Variants in BMPR1B observed in about 807,000 individuals in gnomAD.
BMPR1B encodes the protein bone morphogenetic protein receptor type-1B.
Under a neutral mutation model 59.1 loss-of-function variants are expected in BMPR1B, and 12 were observed. The ratio of observed to expected loss-of-function variants is 0.20; its 90% CI spans 0.13 to 0.33. BMPR1B has a LOEUF of 0.33. Ranked by LOEUF, BMPR1B falls within the 10% of genes least tolerant of loss-of-function variation. BMPR1B has a pLI of 1.00. For missense variants in BMPR1B, 550 were observed against 610.9 expected, an observed-to-expected ratio of 0.90 and a Z score of 1.05; for synonymous variants, 237 against 207.3, an observed-to-expected ratio of 1.14 and a Z score of -1.23.
At chr4:95,135,686 T>A (rs1349565686) in intron 10 of BMPR1B, among the ~76,000 whole-genome samples, 3 of 152,240 alleles carry the variant, frequency 2.0e-5, no homozygotes, top group Non-Finnish European at 2.9e-5. Context: ...TGTATAAGAA[T>A]GCTTGTGATT....
At chr4:95,093,995 C>G (rs1459640925) in intron 3 of BMPR1B, among the ~76,000 whole-genome samples, 1 of 152,020 alleles carries the variant, frequency 6.6e-6, no homozygotes, top group African/African-American at 2.4e-5. Context: ...CTTATGCACT[C>G]CTGTCTAGGA....
intron 3 of BMPR1B, among the ~76,000 whole-genome samples, chr4:95,076,992 T>G (rs558648263): frequency 6.6e-6 from 1 of 152,244 alleles, no homozygotes; most frequent in African/African-American, 2.4e-5. Flanking sequence ...CTTTATTCGC[T>G]TTACAAGCAT....
chr4:95,062,685 T>G (rs1727489825), intron 3 of BMPR1B, among the ~76,000 whole-genome samples: 1 of 152,176 alleles, frequency 6.6e-6, no homozygotes, highest in Admixed American at 6.5e-5. Context: ...ATGCTAAAAT[T>G]GCATGGTTAA....
intron 3 of BMPR1B, among the ~76,000 whole-genome samples, chr4:95,092,294 T>G (rs968325154): frequency 2.0e-5 from 3 of 152,120 alleles, no homozygotes; most frequent in African/African-American, 7.2e-5. Context: ...TAGTAATTCA[T>G]ATCATTTTTG....
chr4:94,997,260 C>T (rs887180600), intron 3 of BMPR1B, among the ~76,000 whole-genome samples: 3 of 152,032 alleles, frequency 2.0e-5, no homozygotes, highest in African/African-American at 7.2e-5. Context: ...AAGTTAAAAA[C>T]AAAAATGAGA....
At chr4:95,038,564 A>G (rs572158896) in intron 3 of BMPR1B, among the ~76,000 whole-genome samples, 1 of 152,350 alleles carries the variant, frequency 6.6e-6, no homozygotes, top group African/African-American at 2.4e-5. Context: ...AGGAAAAATT[A>G]TGATGAATAA....
In BMPR1B at chr4:94,770,802, TA is replaced by T. The variant is rs373543088; in HGVS notation, c.-183+12742del. On this transcript the variant is annotated intron_variant, in intron 1 of 12. Transcript: ENST00000515059. ...GTGGTAGTACCTTGTCAAGGGCTTT[TA>T]AAAAAAATCCAGTGGATTATATTGA... 3.5e-3 allele frequency among the ~76,000 whole-genome samples: 514 copies of T among 147,810 alleles called. 6 individuals carry two copies. The highest frequency in any genetic ancestry group is 0.011 in the African/African-American group (460 of 40,000).
At chr4:95,024,398 C>T (rs1305393587) in intron 3 of BMPR1B, among the ~76,000 whole-genome samples, 1 of 152,130 alleles carries the variant, frequency 6.6e-6, no homozygotes, top group Non-Finnish European at 1.5e-5. Flanking sequence ...TCTCCTATGT[C>T]CTCCTACCTA....
At chr4:95,012,250 C>G (rs1297571762) in intron 3 of BMPR1B, among the ~76,000 whole-genome samples, 1 of 152,052 alleles carries the variant, frequency 6.6e-6, no homozygotes, top group Admixed American at 6.6e-5. Flanking sequence ...ATAATTTTTG[C>G]TCTTTTTTTT....
intron 1 of BMPR1B, among the ~76,000 whole-genome samples, chr4:94,798,351 A>AC (rs1373566981): frequency 1.3e-5 from 2 of 152,224 alleles, no homozygotes; most frequent in Non-Finnish European, 2.9e-5. Context: ...GACTGCTGCT[A>AC]CCACTCCCAG....
intron 1 of BMPR1B, among the ~76,000 whole-genome samples, chr4:94,790,229 G>T (rs535586610): frequency 1.3e-5 from 2 of 152,036 alleles, no homozygotes; most frequent in African/African-American, 4.8e-5. Flanking sequence ...TCTAACCCCC[G>T]CATTGTTATA....
chr4:94,784,578 A>G lies in BMPR1B; in HGVS notation c.-183+26510A>G, dbSNP rs542056224. On this transcript the variant is annotated intron_variant, in intron 1 of 12. Coordinates refer to ENST00000515059, the MANE Select transcript of BMPR1B (RefSeq NM_001203.3). ...TTGCTATGTGGCACAGACTAGTCTTATACTCCTGGCCTCAAGTGATCTTCC... is the reference window on the plus strand; with the variant it reads ...TTGCTATGTGGCACAGACTAGTCTTGTACTCCTGGCCTCAAGTGATCTTCC... Among the ~76,000 whole-genome samples the G allele has an allele frequency of 2.2e-4, 33 of 152,076 alleles. No homozygotes were observed. The Middle Eastern group carries it at 0.01, about 47-fold the overall frequency.
At chr4:95,006,786 G>A (rs955531067) in intron 3 of BMPR1B, among the ~76,000 whole-genome samples, 17 of 151,886 alleles carry the variant, frequency 1.1e-4, no homozygotes, top group African/African-American at 3.1e-4. Context: ...TGATCCACCC[G>A]CCTCGGCCTC....
chr4:95,045,886 C>CT (rs1468371708), intron 3 of BMPR1B, among the ~76,000 whole-genome samples: 1 of 152,066 alleles, frequency 6.6e-6, no homozygotes. Context: ...TAGATAAAAA[C>CT]TGTATATAAA....
At chr4:94,766,158 CTT>C (rs929033266) in intron 1 of BMPR1B, among the ~76,000 whole-genome samples, 2 of 152,086 alleles carry the variant, frequency 1.3e-5, no homozygotes, top group Admixed American at 6.6e-5. Flanking sequence ...CTTTCTGAGC[CTT>C]TGTTGTATTA....
In BMPR1B at chr4:95,068,664, T is replaced by C. The variant is rs567423396; in HGVS notation, c.-17-35744T>C. On this transcript the variant is annotated intron_variant, in intron 3 of 12. Coordinates refer to ENST00000515059, the MANE Select transcript of BMPR1B (RefSeq NM_001203.3). ...ATCACTTCTCCTTTTATTCCATGGG[T>C]TGGCTATACTTGGACTTGTTTCCTT... 6.8e-4 allele frequency among the ~76,000 whole-genome samples: 104 copies of C among 152,290 alleles called. 2 individuals are homozygous for C. The highest frequency in any genetic ancestry group is 2.4e-3 in the African/African-American group (99 of 41,576).
chr4:95,154,418 A>T (rs376975466), intron 12 of BMPR1B, 130 bp from the exon 13 acceptor site: 3 of 1,275,284 alleles, frequency 2.4e-6, no homozygotes, highest in Non-Finnish European at 2.2e-6. Context: ...ACAGAATTTT[A>T]CTTCTACATG....
intron 2 of BMPR1B, among the ~76,000 whole-genome samples, chr4:94,935,135 C>G (rs1024118399): frequency 6.6e-6 from 1 of 151,960 alleles, no homozygotes. Flanking sequence ...TATTCCTTTT[C>G]TTGCTTCTCC....
intron 3 of BMPR1B, among the ~76,000 whole-genome samples, chr4:95,049,742 C>T (rs1012566311): frequency 1.8e-4 from 28 of 151,650 alleles, no homozygotes; most frequent in Admixed American, 1.7e-3. Flanking sequence ...TCTGTTCCAT[C>T]GTCTGCTTGG....
Sources: gnomAD v4.1 joint callset for allele counts (sites outside exome capture counted in the v4.1 genomes callset) on GRCh38, gnomAD v4.1.1 for gene constraint, MANE v1.5 for transcripts, NCBI Gene and HGNC (gene_info 2026-07-23, HGNC 2026-07-21) for gene names.